Variants in OSBPL3 observed in about 807,000 individuals in gnomAD.
The protein encoded by OSBPL3 is oxysterol binding protein like 3, also known as oxysterol-binding protein-related protein 3.
In OSBPL3, 65 loss-of-function variants were observed where a neutral mutation model predicts 120.1. The ratio of observed to expected loss-of-function variants is 0.54; its 90% CI spans 0.44 to 0.67. The LOEUF (loss-of-function observed/expected upper bound fraction) is 0.67, where lower values mean the gene tolerates loss of function less well. Ranked by LOEUF, OSBPL3 falls within the 30% of genes least tolerant of loss-of-function variation. The pLI, the probability that OSBPL3 is intolerant of heterozygous loss-of-function variation, is 0.00. For missense variants in OSBPL3, 1,004 were observed against 1,082.1 expected, an observed-to-expected ratio of 0.93 and a Z score of 1.01; for synonymous variants, 416 against 402.6, an observed-to-expected ratio of 1.03 and a Z score of -0.40.
chr7:24,804,447 C>G lies in OSBPL3; in HGVS notation c.2445-10G>C, dbSNP rs2285653. The G allele has an allele frequency of 0.14, 227,904 of 1,596,732 alleles. 21,465 individuals carry two copies. Among genetic ancestry groups the G allele is most frequent in the East Asian group, 0.5 (22,427 of 44,730 alleles). Reference sequence around the variant, plus strand: ...CCCTTCCTCTAGAAACCTGAGGCATCGAGGAAAAAAAAATGAAAGGATATG... The same window carrying G: ...CCCTTCCTCTAGAAACCTGAGGCATGGAGGAAAAAAAAATGAAAGGATATG... On this transcript the variant is annotated splice_polypyrimidine_tract_variant and intron_variant, in intron 21 of 22. Transcript: ENST00000313367. The surrounding 1 kb of genome is among the most constrained non-coding windows in gnomAD (Gnocchi z 5.4).
rs1246519181 is a variant in OSBPL3, at chr7:24,918,488, A to G, written c.-149-25867T>C. Among the ~76,000 whole-genome samples, 1 of 152,226 alleles carries G rather than the reference A, an allele frequency of 6.6e-6. No individual in the cohort carries two copies. The highest frequency in any genetic ancestry group is 1.9e-4 in the East Asian group (1 of 5,202). Reference sequence around the variant, plus strand: ...GTTAAAACACTAAGTCAGCTGGATAAACTACTCATGAAAATCTTGTGGAAA... The same window carrying G: ...GTTAAAACACTAAGTCAGCTGGATAGACTACTCATGAAAATCTTGTGGAAA... On this transcript the variant is annotated intron_variant, in intron 1 of 22. Coordinates refer to ENST00000313367, the MANE Select transcript of OSBPL3 (RefSeq NM_015550.4). This position sits in a 1 kb window ranked among gnomAD's most constrained non-coding sequence, Gnocchi z 4.3.
At chr7:24,950,417 T>C (rs1442645509) in intron 1 of OSBPL3, among the ~76,000 whole-genome samples, 2 of 152,194 alleles carry the variant, frequency 1.3e-5, no homozygotes, top group Non-Finnish European at 2.9e-5. Flanking sequence ...CAGAAACTAT[T>C]TAGTTCAATA....
intron 19 of OSBPL3, among the ~76,000 whole-genome samples, chr7:24,811,051 G>A (rs1323469606): frequency 2.0e-5 from 3 of 152,160 alleles, no homozygotes; most frequent in Admixed American, 2.0e-4. Flanking sequence ...CCCAGTAGTG[G>A]GATTGGCAGA....
chr7:24,955,624 A>G lies in OSBPL3; in HGVS notation c.-150+24262T>C, dbSNP rs944054233. ...GAGAGGCCTTTGGCCATTTCTATGT[A>G]AAATCAAACAGCAGCACCCCTGTCC... On this transcript the variant is annotated intron_variant, in intron 1 of 22. Transcript: ENST00000313367. This position sits in a 1 kb window ranked among gnomAD's most constrained non-coding sequence, Gnocchi z 4.3. 3.9e-5 allele frequency among the ~76,000 whole-genome samples: 6 copies of G among 152,202 alleles called. No individual in the cohort carries two copies. Among genetic ancestry groups the G allele is most frequent in the Non-Finnish European group, 5.9e-5 (4 of 68,030 alleles).
intron 1 of OSBPL3, among the ~76,000 whole-genome samples, chr7:24,919,767 T>A (rs127): frequency 6.7e-6 from 1 of 149,838 alleles, no homozygotes; most frequent in African/African-American, 2.5e-5. Flanking sequence ...TCATCTGATA[T>A]GGGTCTAGTA....
At chr7:24,838,515 T>C (rs370962938) in intron 14 of OSBPL3, among the ~76,000 whole-genome samples, 34 of 152,112 alleles carry the variant, frequency 2.2e-4, no homozygotes, top group East Asian at 9.6e-4. Context: ...AAAAGGGCAA[T>C]GTTAGTTAGC....
At position 24,863,222 on chromosome 7, in the gene OSBPL3, T is replaced by C. The variant is rs1343453654; in HGVS notation, c.848A>G (p.Lys283Arg). ...HRRWRSRAIG[K>R]DAKGTLQVPK... ...TACCTGCAGTGTTCCTTTAGCATCT[T>C]TGCCAATAGCTCTGGACCGCCACCT... The change falls in exon 9 of 23, where the codon AAA becomes AGA. Residue 283 changes from lysine to arginine, a missense_variant. Physicochemically the swap from Lys to Arg is conservative, Grantham distance 26. This residue lies in a region of OSBPL3 where 272 missense variants were observed against 248.8 expected (regional missense o/e 1.09). Transcript: ENST00000313367. The surrounding 1 kb of genome is among the most constrained non-coding windows in gnomAD (Gnocchi z 5.8). The C allele has an allele frequency of 1.2e-6, 2 of 1,614,040 alleles. No homozygotes were observed. Among genetic ancestry groups the C allele is most frequent in the Non-Finnish European group, 1.7e-6 (2 of 1,179,866 alleles).
At chr7:24,848,145 C>T (rs1338459553) in intron 12 of OSBPL3, among the ~76,000 whole-genome samples, 2 of 152,200 alleles carry the variant, frequency 1.3e-5, no homozygotes, top group African/African-American at 4.8e-5. Context: ...CCTCAACTCG[C>T]CTCACCACCC....
Position 24,804,293 on chromosome 7 carries a change from C to T in OSBPL3, c.2567+22G>A. 5 of 1,614,092 alleles carry T rather than the reference C, an allele frequency of 3.1e-6. No homozygotes were observed. Among genetic ancestry groups the T allele is most frequent in the Non-Finnish European group, 4.2e-6 (5 of 1,179,970 alleles). Reference sequence around the variant, plus strand: ...GCTGGCACCACCTATCAACCAAAAACCTACTCAATCCAGGCACGAACCTGA... The same window carrying T: ...GCTGGCACCACCTATCAACCAAAAATCTACTCAATCCAGGCACGAACCTGA... On this transcript the variant is annotated intron_variant, in intron 22 of 22. Transcript: ENST00000313367. The surrounding 1 kb of genome is among the most constrained non-coding windows in gnomAD (Gnocchi z 5.4).
rs1809150847 is a variant in OSBPL3, at chr7:24,913,638, T to G, written c.-149-21017A>C. Reference sequence around the variant, plus strand: ...AAAGATGAAAAGACACATGAACCCCTTAAAAACCCTGGAAACATTCCTTTC... The same window carrying G: ...AAAGATGAAAAGACACATGAACCCCGTAAAAACCCTGGAAACATTCCTTTC... On this transcript the variant is annotated intron_variant, in intron 1 of 22. Coordinates refer to ENST00000313367, the MANE Select transcript of OSBPL3 (RefSeq NM_015550.4). The surrounding 1 kb of genome is among the most constrained non-coding windows in gnomAD (Gnocchi z 5.3). Among the ~76,000 whole-genome samples, 1 of 152,076 alleles carries G rather than the reference T, an allele frequency of 6.6e-6. No individual in the cohort carries two copies.
rs1812626321 is a variant in OSBPL3 at position 24,938,048 on chromosome 7, T to C, written c.-150+41838A>G. Among the ~76,000 whole-genome samples the C allele has an allele frequency of 6.6e-6, 1 of 152,180 alleles. No individual in the cohort carries two copies. Among genetic ancestry groups the C allele is most frequent in the Non-Finnish European group, 1.5e-5 (1 of 68,034 alleles). On this transcript the variant is annotated intron_variant, in intron 1 of 22. Transcript: ENST00000313367. The surrounding 1 kb of genome is among the most constrained non-coding windows in gnomAD (Gnocchi z 5.8). ...CAACCGATAAGATACTTCCTCCTTA[T>C]CTCCAAATGGTGGCCTAAATATACA...
chr7:24,975,305 T>C (rs527550375), intron 1 of OSBPL3, among the ~76,000 whole-genome samples: 3 of 152,320 alleles, frequency 2.0e-5, no homozygotes, highest in African/African-American at 7.2e-5. Context: ...CCAGAACAGG[T>C]GCTTTTCATG....
rs1432586969 is a variant in OSBPL3 at position 24,892,405 on chromosome 7, C to T, written c.68G>A (p.Ser23Asn). Residue 23 changes from serine (S) to asparagine (N), a missense_variant, in exon 2 of 23, where the codon AGC (serine) becomes AAC (asparagine). Coordinates refer to ENST00000313367, the MANE Select transcript of OSBPL3 (RefSeq NM_015550.4). ...TCGACTTCCTTGCTTGGAAGAGCAG[C>T]TACTTGTGCTCCTTGAAGGTGATAC... ...KLVSPSRSTS[S>N]CSSKQGSRQD... 4 of 1,613,432 alleles carry T rather than the reference C, an allele frequency of 2.5e-6. No individual in the cohort carries two copies. Among genetic ancestry groups the T allele is most frequent in the Non-Finnish European group, 2.5e-6 (3 of 1,179,566 alleles).
intron 5 of OSBPL3, 109 bp downstream of exon 5, chr7:24,870,623 A>T (rs1187337629): frequency 1.4e-6 from 1 of 703,270 alleles, no homozygotes; most frequent in Non-Finnish European, 2.6e-6. Flanking sequence ...TTTGGTAATG[A>T]AGGTCTTCTA....
intron 1 of OSBPL3, among the ~76,000 whole-genome samples, chr7:24,917,427 T>TATATATATATATA (rs1562924912): frequency 7.6e-6 from 1 of 131,154 alleles, no homozygotes; most frequent in Non-Finnish European, 1.6e-5. Context: ...TATATATATA[T>TATATATATATATA]TTGTAACATA....
Position 24,818,284 on chromosome 7 carries a change from T to C in OSBPL3, c.1949-1596A>G, listed in dbSNP as rs1440594455. 1.3e-5 allele frequency among the ~76,000 whole-genome samples: 2 copies of C among 152,172 alleles called. No homozygotes were observed. Among genetic ancestry groups the C allele is most frequent in the African/African-American group, 4.8e-5 (2 of 41,442 alleles). On this transcript the variant is annotated intron_variant, in intron 17 of 22. Transcript: ENST00000313367. This position sits in a 1 kb window ranked among gnomAD's most constrained non-coding sequence, Gnocchi z 4.0. ...AATTCTGTGAATAAAAACCATTGAA[T>C]TGTACACTTTACACGGGTGAATGAT...
In OSBPL3 at chr7:24,834,670, G is replaced by C. The variant is rs777916636; in HGVS notation, c.1562C>G (p.Pro521Arg). Residue 521 changes from proline (P) to arginine (R), a missense_variant, in exon 15 of 23, where the codon CCG becomes CGG. Physicochemically the swap from Pro to Arg is moderately radical, Grantham distance 103. This residue lies in a region of OSBPL3 where 473 missense variants were observed against 568.0 expected (regional missense o/e 0.83). Coordinates refer to ENST00000313367, the MANE Select transcript of OSBPL3 (RefSeq NM_015550.4). This position sits in a 1 kb window ranked among gnomAD's most constrained non-coding sequence, Gnocchi z 5.2. Reference sequence around the variant, plus strand: ...CCACAGGCTGATGTTACTGCTGCTCGGGCAGGGCGCCGGCAGGCACGTTCT... The same window carrying C: ...CCACAGGCTGATGTTACTGCTGCTCCGGCAGGGCGCCGGCAGGCACGTTCT... ...RRRTCLPAPC[P>R]SSSNISLWNI... The C allele has an allele frequency of 1.8e-5, 29 of 1,613,972 alleles. No homozygotes were observed. Among genetic ancestry groups the C allele is most frequent in the South Asian group, 8.8e-5 (8 of 91,070 alleles).
intron 1 of OSBPL3, among the ~76,000 whole-genome samples, chr7:24,903,934 G>A (rs911566308): frequency 5.0e-4 from 75 of 151,014 alleles, no homozygotes; most frequent in Middle Eastern, 3.4e-3. Flanking sequence ...CCAGGCTGGA[G>A]TGCAGTGGTG....
intron 15 of OSBPL3, among the ~76,000 whole-genome samples, chr7:24,832,832 A>G (rs930050909): frequency 6.6e-6 from 1 of 152,184 alleles, no homozygotes; most frequent in Non-Finnish European, 1.5e-5. Context: ...AGGCAGGGGC[A>G]TAAGCAGACG....
Sources: allele counts gnomAD v4.1 joint callset (sites outside exome capture counted in the v4.1 genomes callset), GRCh38; gene constraint gnomAD v4.1.1; regional missense constraint gnomAD v4.1.1; non-coding constraint Gnocchi (gnomAD v3.1); transcripts MANE v1.5; gene names NCBI Gene and HGNC (gene_info 2026-07-23, HGNC 2026-07-21).